ST3GAL3: variants seen among roughly 807,000 people sequenced by gnomAD.
The protein encoded by ST3GAL3 is CMP-N-acetylneuraminate-beta-1,4-galactoside alpha-2,3-sialyltransferase.
A neutral mutation model predicts 50.1 loss-of-function variants in ST3GAL3; 21 were observed. The ratio of observed to expected loss-of-function variants is 0.42; its 90% CI spans 0.30 to 0.60. ST3GAL3 has a LOEUF of 0.60. Among genes scored for constraint, ST3GAL3 ranks in the 20% least tolerant of loss-of-function variants. The probability of loss-of-function intolerance (pLI) is 0.19; values close to 1 mark genes in which losing one functional copy is unlikely to be tolerated. For missense variants in ST3GAL3, 353 were observed against 489.4 expected (o/e 0.72, Z 2.63); for synonymous variants, 183 against 190.0 (o/e 0.96, Z 0.30).
At chr1:43,896,380 A>C (rs935027857) in intron 6 of ST3GAL3, among the ~76,000 whole-genome samples, 1 of 152,226 alleles carries the variant, frequency 6.6e-6, no homozygotes. Context: ...CAAGCATACA[A>C]AAAATACTAG....
At chr1:43,888,088 A>T (rs549530871) in intron 5 of ST3GAL3, among the ~76,000 whole-genome samples, 2 of 152,322 alleles carry the variant, frequency 1.3e-5, no homozygotes, top group South Asian at 4.1e-4. Flanking sequence ...TCCAAAGAAA[A>T]GGTGAAGAAA....
At chr1:43,821,902 T>C (rs1477904015) in intron 4 of ST3GAL3, among the ~76,000 whole-genome samples, 1 of 152,236 alleles carries the variant, frequency 6.6e-6, no homozygotes, top group African/African-American at 2.4e-5. Context: ...AACTAATATG[T>C]ATCAGGCAAT....
intron 3 of ST3GAL3, among the ~76,000 whole-genome samples, chr1:43,793,131 C>T (rs2058285819): frequency 6.6e-6 from 1 of 152,224 alleles, no homozygotes; most frequent in Non-Finnish European, 1.5e-5. Context: ...CCACTATTTA[C>T]TGAGGGTCTG....
At chr1:43,800,898 A>G (rs1304520839) in intron 3 of ST3GAL3, among the ~76,000 whole-genome samples, 2 of 151,956 alleles carry the variant, frequency 1.3e-5, no homozygotes, top group Non-Finnish European at 2.9e-5. Context: ...TTTTTTAGAG[A>G]TTGTACAGTG....
chr1:43,884,957 C>T (rs2075735116), intron 5 of ST3GAL3, among the ~76,000 whole-genome samples: 1 of 152,232 alleles, frequency 6.6e-6, no homozygotes, highest in Non-Finnish European at 1.5e-5. Context: ...CACCTCACTC[C>T]TTAATAAGAC....
At chr1:43,794,642 A>G (rs1026970474) in intron 3 of ST3GAL3, among the ~76,000 whole-genome samples, 2 of 152,220 alleles carry the variant, frequency 1.3e-5, no homozygotes, top group Non-Finnish European at 2.9e-5. Context: ...TTATAAGAAC[A>G]TTGTTCATAA....
At chr1:43,919,477 C>T (rs2082668734) in intron 9 of ST3GAL3, 1 of 152,256 alleles carries the variant, frequency 6.6e-6, no homozygotes, top group Non-Finnish European at 1.5e-5. Context: ...TCCAGCAGTG[C>T]TCAGGAGCCC....
At chr1:43,844,825 T>TA (rs372453242) in intron 5 of ST3GAL3, among the ~76,000 whole-genome samples, 174 of 130,210 alleles carry the variant, frequency 1.3e-3, no homozygotes, top group African/African-American at 2.5e-3. Context: ...AGACTCCGTC[T>TA]AAAAAAAAAA....
At chr1:43,930,041 G>T in intron 11 of ST3GAL3, 91 bp from the exon 12 acceptor site, 1 of 1,022,752 alleles carries the variant, frequency 9.8e-7, no homozygotes, top group Non-Finnish European at 1.5e-6. Flanking sequence ...ACGGAGTATT[G>T]GAGAGTGGTG....
chr1:43,862,028 TAA>T (rs78700565), intron 5 of ST3GAL3, among the ~76,000 whole-genome samples: 211 of 130,872 alleles, frequency 1.6e-3, no homozygotes, highest in African/African-American at 4.3e-3. Flanking sequence ...AAATCTGTCT[TAA>T]AAAAAAAAAA....
At chr1:43,860,804 C>T (rs991496927) in intron 5 of ST3GAL3, among the ~76,000 whole-genome samples, 4 of 152,222 alleles carry the variant, frequency 2.6e-5, no homozygotes, top group African/African-American at 9.6e-5. Flanking sequence ...CATGTTCTCC[C>T]TAGCCAGAGG....
At chr1:43,769,797 T>C (rs1179373624) in intron 2 of ST3GAL3, among the ~76,000 whole-genome samples, 2 of 152,184 alleles carry the variant, frequency 1.3e-5, no homozygotes, top group Admixed American at 6.5e-5. Flanking sequence ...AAAATAGTAG[T>C]TCAAGCTTGT....
intron 11 of ST3GAL3, chr1:43,921,951 T>G (rs991288470): frequency 1.0e-5 from 4 of 394,862 alleles, no homozygotes; most frequent in African/African-American, 2.1e-5. Flanking sequence ...GAAACACTTT[T>G]CGTGTTGGCC....
Position 43,826,932 on chromosome 1 carries a change from G to A in ST3GAL3, c.210-11287G>A, listed in dbSNP as rs12566767. On this transcript the variant is annotated intron_variant, in intron 4 of 11. Transcript: ENST00000347631. ...TTTAAAAAAACTATCAGCAAACTAT[G>A]AGTAGAGGGGAACTTCTTCAATTTG... is the stretch of plus-strand genomic sequence containing the variant. 5.0e-4 allele frequency among the ~76,000 whole-genome samples: 76 copies of A among 152,256 alleles called. No individual in the cohort carries two copies. In the East Asian group the frequency reaches 0.014, roughly 27 times the overall value.
At chr1:43,920,755 T>C in intron 10 of ST3GAL3, 27 bp from the exon 11 acceptor site, 1 of 1,614,124 alleles carries the variant, frequency 6.2e-7, no homozygotes, top group Non-Finnish European at 8.5e-7. Context: ...CTGCATGCCT[T>C]CTCTCACCCC....
At chr1:43,860,553 G>A (rs1350819702) in intron 5 of ST3GAL3, among the ~76,000 whole-genome samples, 14 of 152,236 alleles carry the variant, frequency 9.2e-5, no homozygotes, top group Admixed American at 9.2e-4. Context: ...GGAGCAAAGG[G>A]TGAGCCTTGC....
chr1:43,898,685 G>GT (rs1158439775), intron 7 of ST3GAL3, among the ~76,000 whole-genome samples: 2 of 152,148 alleles, frequency 1.3e-5, no homozygotes, highest in African/African-American at 2.4e-5. Context: ...AAGCCCCAGG[G>GT]TCAGGGATGG....
At chr1:43,835,522 T>A (rs2064183162) in intron 4 of ST3GAL3, among the ~76,000 whole-genome samples, 1 of 152,126 alleles carries the variant, frequency 6.6e-6, no homozygotes, top group African/African-American at 2.4e-5. Flanking sequence ...TGCCTTCCAC[T>A]GCCATGGAGA....
chr1:43,849,786 A>G lies in ST3GAL3; in HGVS notation c.302+11475A>G, dbSNP rs569122867. Among the ~76,000 whole-genome samples, 2 of 152,340 alleles carry G rather than the reference A, an allele frequency of 1.3e-5. 1 individual carries two copies. The highest frequency in any genetic ancestry group is 4.1e-4 in the South Asian group (2 of 4,830). On this transcript the variant is annotated intron_variant, in intron 5 of 11. Transcript: ENST00000347631. ...AGTGCACCTTGTGTACACTTGGCTAATGTACACTTCTGATTTACAGCACAC... is the reference window on the plus strand; with the variant it reads ...AGTGCACCTTGTGTACACTTGGCTAGTGTACACTTCTGATTTACAGCACAC...
Sources: gnomAD v4.1 joint callset for allele counts (sites outside exome capture counted in the v4.1 genomes callset) on GRCh38, gnomAD v4.1.1 for gene constraint, MANE v1.5 for transcripts, NCBI Gene and HGNC (gene_info 2026-07-23, HGNC 2026-07-21) for gene names.